Variants in ST6GALNAC3 observed in about 807,000 individuals in gnomAD.
The protein encoded by ST6GALNAC3 is ST6 N-acetylgalactosaminide alpha-2,6-sialyltransferase 3, also known as alpha-N-acetylgalactosaminide alpha-2,6-sialyltransferase 3.
In ST6GALNAC3, 25 loss-of-function variants were observed where a neutral mutation model predicts 32.7. The ratio of observed to expected loss-of-function variants is 0.76; its 90% confidence interval spans 0.56 to 1.07. ST6GALNAC3 has a LOEUF of 1.07. Among genes scored for constraint, ST6GALNAC3 ranks in the 50% least tolerant of loss-of-function variants. The probability of loss-of-function intolerance (pLI) is 0.00; values close to 1 mark genes in which losing one functional copy is unlikely to be tolerated. For synonymous variants in ST6GALNAC3, 129 were observed against 133.1 expected, an observed-to-expected ratio of 0.97 and a Z score of 0.21; for missense variants, 355 against 382.4, an observed-to-expected ratio of 0.93 and a Z score of 0.60.
intron 1 of ST6GALNAC3, among the ~76,000 whole-genome samples, chr1:76,156,146 G>A (rs1425120131): frequency 6.6e-6 from 1 of 152,086 alleles, no homozygotes; most frequent in Non-Finnish European, 1.5e-5. Context: ...GTTTTTGAGA[G>A]GAAGAAGGCA....
intron 2 of ST6GALNAC3, among the ~76,000 whole-genome samples, chr1:76,344,808 CT>C (rs2101003619): frequency 6.6e-6 from 1 of 152,252 alleles, no homozygotes; most frequent in African/African-American, 2.4e-5. Flanking sequence ...TTCCCTGTCT[CT>C]TTTTTCCTAA....
intron 3 of ST6GALNAC3, among the ~76,000 whole-genome samples, chr1:76,468,213 A>C (rs1281625169): frequency 6.6e-6 from 1 of 151,910 alleles, no homozygotes; most frequent in Admixed American, 6.6e-5. Context: ...TGAGTTCATA[A>C]AATCCTGAAA....
intron 3 of ST6GALNAC3, among the ~76,000 whole-genome samples, chr1:76,484,660 A>AT (rs1258239473): frequency 6.6e-6 from 1 of 152,200 alleles, no homozygotes; most frequent in Non-Finnish European, 1.5e-5. Flanking sequence ...CAATCATGTC[A>AT]TCTGCAAACA....
chr1:76,345,465 T>C (rs1648425346), intron 2 of ST6GALNAC3, among the ~76,000 whole-genome samples: 2 of 152,040 alleles, frequency 1.3e-5, no homozygotes, highest in South Asian at 2.1e-4. Flanking sequence ...GTAAACAGCC[T>C]GTTAGATGGT....
intron 3 of ST6GALNAC3, among the ~76,000 whole-genome samples, chr1:76,532,197 A>G (rs180901198): frequency 2.3e-4 from 35 of 152,272 alleles, no homozygotes; most frequent in Admixed American, 2.0e-3. Flanking sequence ...GCTACGTAGG[A>G]AACTTGAGCC....
chr1:76,328,199 A>G (rs930475761), intron 2 of ST6GALNAC3, among the ~76,000 whole-genome samples: 2 of 152,180 alleles, frequency 1.3e-5, no homozygotes, highest in Non-Finnish European at 2.9e-5. Flanking sequence ...ATGCTGATAC[A>G]TTATTCTTCA....
intron 1 of ST6GALNAC3, among the ~76,000 whole-genome samples, chr1:76,270,638 G>T (rs1658792377): frequency 6.6e-6 from 1 of 151,984 alleles, no homozygotes; most frequent in Non-Finnish European, 1.5e-5. Context: ...AATCCACAGT[G>T]GTCTGTGAAA....
intron 1 of ST6GALNAC3, among the ~76,000 whole-genome samples, chr1:76,278,135 A>T (rs1313398465): frequency 7.5e-6 from 1 of 133,526 alleles, no homozygotes; most frequent in East Asian, 2.5e-4. Flanking sequence ...TTTCTATCCA[A>T]ATCTACTTAT....
chr1:76,434,648 A>G (rs997748008), intron 3 of ST6GALNAC3, among the ~76,000 whole-genome samples: 4 of 152,128 alleles, frequency 2.6e-5, no homozygotes, highest in African/African-American at 9.7e-5. Context: ...AAAAAGTTAA[A>G]TTAAACTATT....
chr1:76,199,121 A>T (rs1020731033), intron 1 of ST6GALNAC3, among the ~76,000 whole-genome samples: 37 of 152,184 alleles, frequency 2.4e-4, no homozygotes, highest in Non-Finnish European at 1.6e-4. Context: ...TTCAAGTTTC[A>T]TGTGGTTCTA....
intron 3 of ST6GALNAC3, among the ~76,000 whole-genome samples, chr1:76,530,403 G>T (rs968934070): frequency 1.3e-5 from 2 of 152,120 alleles, no homozygotes; most frequent in Non-Finnish European, 2.9e-5. Context: ...TTGCCTAGGG[G>T]TTCATTATAC....
intron 3 of ST6GALNAC3, among the ~76,000 whole-genome samples, chr1:76,481,382 A>G (rs753524224): frequency 3.9e-5 from 6 of 152,176 alleles, no homozygotes; most frequent in Admixed American, 6.5e-5. Context: ...TGCTAAATGA[A>G]TGGTTTAGAG....
At chr1:76,621,922 C>T (rs1185769006) in intron 3 of ST6GALNAC3, among the ~76,000 whole-genome samples, 5 of 152,020 alleles carry the variant, frequency 3.3e-5, no homozygotes, top group African/African-American at 1.2e-4. Context: ...TAAAACAAGA[C>T]ATGAAATATT....
intron 2 of ST6GALNAC3, among the ~76,000 whole-genome samples, chr1:76,316,358 T>C (rs1222402902): frequency 1.3e-5 from 2 of 152,100 alleles, no homozygotes; most frequent in East Asian, 3.9e-4. Context: ...TTTTTCCTAG[T>C]AGCCGGAACC....
At chr1:76,564,445 TG>T (rs1452299481) in intron 3 of ST6GALNAC3, among the ~76,000 whole-genome samples, 1 of 152,156 alleles carries the variant, frequency 6.6e-6, no homozygotes, top group African/African-American at 2.4e-5. Flanking sequence ...CCACAGCAAA[TG>T]ACTGCAACCT....
chr1:76,083,466 G>C (rs904221258), intron 1 of ST6GALNAC3, among the ~76,000 whole-genome samples: 2 of 152,228 alleles, frequency 1.3e-5, no homozygotes, highest in African/African-American at 4.8e-5. Flanking sequence ...TGCTCTCTAG[G>C]GTGTGGGCAG....
At chr1:76,186,285 C>A (rs1229670385) in intron 1 of ST6GALNAC3, among the ~76,000 whole-genome samples, 1 of 152,136 alleles carries the variant, frequency 6.6e-6, no homozygotes, top group African/African-American at 2.4e-5. Context: ...GACCTCCTGC[C>A]GTGGATTCTC....
At chr1:76,467,711 A>AT (rs530408833) in intron 3 of ST6GALNAC3, among the ~76,000 whole-genome samples, 2 of 151,686 alleles carry the variant, frequency 1.3e-5, no homozygotes, top group Non-Finnish European at 2.9e-5. Flanking sequence ...ATATTCTTCA[A>AT]TTTTTTTTCT....
intron 3 of ST6GALNAC3, among the ~76,000 whole-genome samples, chr1:76,604,474 G>A (rs1647394566): frequency 6.6e-6 from 1 of 152,178 alleles, no homozygotes; most frequent in Admixed American, 6.5e-5. Context: ...TGCCTCAAAT[G>A]ACATCTCTGA....
Sources: allele counts gnomAD v4.1 joint callset (sites outside exome capture counted in the v4.1 genomes callset), GRCh38; gene constraint gnomAD v4.1.1; transcripts MANE v1.5; gene names NCBI Gene and HGNC (gene_info 2026-07-23, HGNC 2026-07-21).